The following PID1 variants were observed in gnomAD, a reference collection of about 807,000 sequenced individuals.
PID1 encodes phosphotyrosine interaction domain containing 1, also known as PTB-containing, cubilin and LRP1-interacting protein.
A neutral mutation model predicts 19.1 loss-of-function variants in PID1; 10 were observed. The observed-to-expected ratio is 0.52, with a 90% CI of 0.32 to 0.89. The LOEUF (loss-of-function observed/expected upper bound fraction) is 0.89, where lower values mean the gene tolerates loss of function less well. Among genes scored for constraint, PID1 ranks in the 40% least tolerant of loss-of-function variants. The pLI is 0.03. For synonymous variants in PID1, 130 were observed against 116.0 expected (o/e 1.12, Z -0.78); for missense variants, 248 against 285.3 (o/e 0.87, Z 0.94).
chr2:229,129,029 C>T (rs1689653409), intron 2 of PID1, among the ~76,000 whole-genome samples: 1 of 151,892 alleles, frequency 6.6e-6, no homozygotes, highest in African/African-American at 2.4e-5. Flanking sequence ...TATTATATAC[C>T]CACAAAAATT....
At chr2:229,112,196 G>GTAT (rs1258161746) in intron 2 of PID1, among the ~76,000 whole-genome samples, 2 of 152,098 alleles carry the variant, frequency 1.3e-5, no homozygotes, top group Non-Finnish European at 2.9e-5. Context: ...CATAAACTTT[G>GTAT]TATTATTATT....
intron 2 of PID1, among the ~76,000 whole-genome samples, chr2:229,035,529 TGTGTG>T (rs1189954794): frequency 4.5e-4 from 69 of 151,930 alleles, no homozygotes; most frequent in African/African-American, 1.6e-3. Flanking sequence ...TGTGTGTGTG[TGTGTG>T]TGTGTGCACC....
intron 2 of PID1, among the ~76,000 whole-genome samples, chr2:229,135,274 A>G (rs1338706008): frequency 6.6e-6 from 1 of 152,216 alleles, no homozygotes; most frequent in East Asian, 1.9e-4. Flanking sequence ...CAGGGGGCAT[A>G]TGCTTCAAGT....
At chr2:229,203,033 T>C (rs1246268742) in intron 1 of PID1, among the ~76,000 whole-genome samples, 1 of 152,114 alleles carries the variant, frequency 6.6e-6, no homozygotes, top group Non-Finnish European at 1.5e-5. Context: ...TTGAAGTCCA[T>C]ATACATAGCC....
rs185073154 is a variant in PID1 at position 229,129,651 on chromosome 2, T to C, written c.177+26167A>G. On this transcript the variant is annotated intron_variant, in intron 2 of 2. Transcript: ENST00000392055. ...ATCATTACTATCTCAGAAGAGTAGTTATGCACAAGTATGATCAAGAAGCAC... is the reference window on the plus strand; with the variant it reads ...ATCATTACTATCTCAGAAGAGTAGTCATGCACAAGTATGATCAAGAAGCAC... 2.7e-4 allele frequency among the ~76,000 whole-genome samples: 41 copies of C among 152,322 alleles called. 1 individual carries two copies. Among genetic ancestry groups the C allele is most frequent in the African/African-American group, 9.1e-4 (38 of 41,572 alleles).
intron 2 of PID1, among the ~76,000 whole-genome samples, chr2:229,047,140 G>A (rs1023229443): frequency 2.0e-5 from 3 of 152,162 alleles, no homozygotes; most frequent in Non-Finnish European, 4.4e-5. Context: ...CATGCATTTC[G>A]GAGCAGCATC....
chr2:229,236,892 C>T (rs1689709177), intron 1 of PID1, among the ~76,000 whole-genome samples: 1 of 151,808 alleles, frequency 6.6e-6, no homozygotes, highest in South Asian at 2.1e-4. Context: ...CACTCACTTG[C>T]TCATGTGTTG....
At chr2:229,199,475 C>A (rs1359160489) in intron 1 of PID1, among the ~76,000 whole-genome samples, 1 of 151,886 alleles carries the variant, frequency 6.6e-6, no homozygotes, top group Non-Finnish European at 1.5e-5. Flanking sequence ...CAGTATCTGG[C>A]CCGTGGCCAA....
chr2:229,104,543 T>G (rs2106231390), intron 2 of PID1, among the ~76,000 whole-genome samples: 1 of 152,368 alleles, frequency 6.6e-6, no homozygotes, highest in Non-Finnish European at 1.5e-5. Flanking sequence ...ATACATTATC[T>G]TTTGCCGTCT....
intron 2 of PID1, among the ~76,000 whole-genome samples, chr2:229,117,832 T>C (rs754756001): frequency 6.6e-6 from 1 of 152,152 alleles, no homozygotes; most frequent in Non-Finnish European, 1.5e-5. Flanking sequence ...TACCCATGTT[T>C]TTAGTCTTAG....
At chr2:229,229,504 G>C (rs1238000489) in intron 1 of PID1, among the ~76,000 whole-genome samples, 1 of 152,156 alleles carries the variant, frequency 6.6e-6, no homozygotes, top group African/African-American at 2.4e-5. Context: ...AGGTATGGTG[G>C]TGCATGCCTG....
chr2:229,062,139 A>G (rs184339454), intron 2 of PID1, among the ~76,000 whole-genome samples: 5 of 152,136 alleles, frequency 3.3e-5, no homozygotes, highest in Admixed American at 2.6e-4. Flanking sequence ...AGTAAAAATG[A>G]TAAGAGTGGC....
At chr2:229,129,283 G>A (rs573342204) in intron 2 of PID1, among the ~76,000 whole-genome samples, 54 of 152,086 alleles carry the variant, frequency 3.6e-4, no homozygotes, top group African/African-American at 1.2e-3. Flanking sequence ...GCATGGTGGC[G>A]GGCGCCTGTA....
rs765746020 is a variant in PID1 at position 229,065,729 on chromosome 2, A to AAAAAAAAAAAAAAAAAAAAAG, written c.178-39622_178-39621insCTTTTTTTTTTTTTTTTTTTT. The stretch of plus-strand genomic sequence containing the variant: ...GTGATTTACAAAAAAAAAAAAAAAA[A>AAAAAAAAAAAAAAAAAAAAAG]AAACAGGTTGAAATTCAGAGATTTA... On this transcript the variant is annotated intron_variant, in intron 2 of 2. Coordinates refer to ENST00000392055, the MANE Select transcript of PID1 (RefSeq NM_001100818.2). Among the ~76,000 whole-genome samples, 246 of 140,642 alleles carry AAAAAAAAAAAAAAAAAAAAAG rather than the reference A, an allele frequency of 1.7e-3. 1 individual carries two copies. The highest frequency in any genetic ancestry group is 6.1e-3 in the African/African-American group (218 of 35,760). The allele number at this position is 140,642 out of a possible 152,430, so 92.3% of individuals were successfully genotyped here.
intron 1 of PID1, among the ~76,000 whole-genome samples, chr2:229,193,955 G>C (rs1691317488): frequency 6.6e-6 from 1 of 152,050 alleles, no homozygotes; most frequent in Non-Finnish European, 1.5e-5. Flanking sequence ...ATAATGCAAA[G>C]AGGTATTGAA....
chr2:229,251,944 T>TAAAAAAAA (rs11284650), intron 1 of PID1, among the ~76,000 whole-genome samples: 1 of 71,474 alleles, frequency 1.4e-5, no homozygotes, highest in Non-Finnish European at 2.9e-5. Flanking sequence ...AACCATAAGC[T>TAAAAAAAA]AAAAAAAAAA....
chr2:229,136,144 A>G (rs750548741), intron 2 of PID1, among the ~76,000 whole-genome samples: 1 of 152,180 alleles, frequency 6.6e-6, no homozygotes, highest in African/African-American at 2.4e-5. Flanking sequence ...TGCTCCAGGA[A>G]AGGCTTTTGT....
In PID1 at chr2:229,131,142, G is replaced by GGTCAC. The variant is rs536215016; in HGVS notation, c.177+24671_177+24675dup. 5.3e-5 allele frequency among the ~76,000 whole-genome samples: 8 copies of GGTCAC among 152,160 alleles called. No homozygotes were observed. The South Asian group carries it at 1.7e-3, about 32-fold the overall frequency. ...GAGGGTTAAGACTTCAATTCTGAGG[G>GGTCAC]GTCACGATACAGCCTATAACATCGG... is the stretch of plus-strand genomic sequence containing the variant. On this transcript the variant is annotated intron_variant, in intron 2 of 2. Transcript: ENST00000392055.
At chr2:229,179,728 T>TAA (rs1690898520) in intron 1 of PID1, among the ~76,000 whole-genome samples, 1 of 152,184 alleles carries the variant, frequency 6.6e-6, no homozygotes, top group African/African-American at 2.4e-5. Context: ...AGATACAAAG[T>TAA]AAATGCCAGA....
Sources: allele counts gnomAD v4.1 joint callset (sites outside exome capture counted in the v4.1 genomes callset), GRCh38; gene constraint gnomAD v4.1.1; transcripts MANE v1.5; gene names NCBI Gene and HGNC (gene_info 2026-07-23, HGNC 2026-07-21).